The following TOX2 variants were observed in gnomAD, a reference collection of about 807,000 sequenced individuals.
TOX2 encodes TOX high mobility group box family member 2, also known as granulosa cell HMG box 1.
In TOX2, 15 loss-of-function variants were observed where a neutral mutation model predicts 47.4. That is an observed-to-expected ratio of 0.32 (90% CI 0.21 to 0.49). The LOEUF (loss-of-function observed/expected upper bound fraction) is 0.49, where lower values mean the gene tolerates loss of function less well. Ranked by LOEUF, TOX2 falls within the 20% of genes least tolerant of loss-of-function variation. The pLI is 0.99. For missense variants in TOX2, 622 were observed against 673.1 expected, an observed-to-expected ratio of 0.92 and a Z score of 0.84; for synonymous variants, 290 against 296.6, an observed-to-expected ratio of 0.98 and a Z score of 0.23.
intron 3 of TOX2, among the ~76,000 whole-genome samples, chr20:44,018,453 A>C (rs1413068096): frequency 6.6e-6 from 1 of 152,178 alleles, no homozygotes; most frequent in East Asian, 1.9e-4. Flanking sequence ...ACTGGGTGTA[A>C]TGGCTCTTTC....
intron 1 of TOX2, among the ~76,000 whole-genome samples, chr20:43,957,295 T>A (rs2069684260): frequency 6.6e-6 from 1 of 152,244 alleles, no homozygotes; most frequent in Non-Finnish European, 1.5e-5. Flanking sequence ...AACCCTCTTG[T>A]CCCCATTCTG....
At chr20:44,011,993 C>A (rs2070784134) in intron 3 of TOX2, among the ~76,000 whole-genome samples, 1 of 152,214 alleles carries the variant, frequency 6.6e-6, no homozygotes, top group Non-Finnish European at 1.5e-5. Flanking sequence ...AGCGTCTTAA[C>A]TGATTAAACA....
At chr20:43,927,863 T>C (rs73118230) in intron 1 of TOX2, among the ~76,000 whole-genome samples, 8,001 of 147,674 alleles carry the variant, frequency 0.054, 444 homozygotes, top group African/African-American at 0.14. Flanking sequence ...TTGTGGTAGG[T>C]GCCAGGCAGG....
intron 2 of TOX2, among the ~76,000 whole-genome samples, chr20:43,991,219 A>T (rs1463114005): frequency 1.3e-5 from 2 of 152,230 alleles, no homozygotes; most frequent in African/African-American, 4.8e-5. Flanking sequence ...ACAAGGAACC[A>T]GGAGACCCCG....
chr20:43,974,188 G>A (rs2070028853), intron 2 of TOX2, among the ~76,000 whole-genome samples: 1 of 151,976 alleles, frequency 6.6e-6, no homozygotes, highest in African/African-American at 2.4e-5. Flanking sequence ...ACCCCAGGGA[G>A]GGTTCTCACT....
intron 2 of TOX2, among the ~76,000 whole-genome samples, chr20:43,995,177 G>A (rs2070449685): frequency 1.3e-5 from 2 of 152,018 alleles, no homozygotes; most frequent in South Asian, 2.1e-4. Context: ...AGGCATAATT[G>A]TCCTGATTTT....
chr20:43,929,987 C>T (rs1162222246), intron 1 of TOX2, among the ~76,000 whole-genome samples: 2 of 152,196 alleles, frequency 1.3e-5, no homozygotes, highest in African/African-American at 2.4e-5. Context: ...GGATTACAGA[C>T]GTGAGCCAAT....
At chr20:44,024,978 C>T (rs1048159702) in intron 3 of TOX2, among the ~76,000 whole-genome samples, 2 of 152,084 alleles carry the variant, frequency 1.3e-5, no homozygotes, top group Non-Finnish European at 2.9e-5. Flanking sequence ...TGTATACTTC[C>T]ACGTGCATAA....
intron 8 of TOX2, among the ~76,000 whole-genome samples, chr20:44,067,333 A>T (rs926760000): frequency 1.3e-5 from 2 of 152,004 alleles, no homozygotes; most frequent in Non-Finnish European, 2.9e-5. Context: ...ATCCCATGGG[A>T]GCCCTGGAGC....
At chr20:44,005,938 T>G in intron 2 of TOX2, among the ~76,000 whole-genome samples, 1 of 149,816 alleles carries the variant, frequency 6.7e-6, no homozygotes. Flanking sequence ...TTTGGCGAGG[T>G]GGGAAAAAAA....
At chr20:43,991,352 A>G (rs1251229478) in intron 2 of TOX2, among the ~76,000 whole-genome samples, 1 of 152,256 alleles carries the variant, frequency 6.6e-6, no homozygotes, top group Admixed American at 6.5e-5. Context: ...GCCATAGCAG[A>G]CCATTAGGAT....
In TOX2 at chr20:43,933,734, G is replaced by A. The variant is rs186336659; in HGVS notation, c.99+18744G>A. On this transcript the variant is annotated intron_variant, in intron 1 of 8. Coordinates refer to ENST00000341197, the MANE Select transcript of TOX2 (RefSeq NM_001098797.2). ...GGCCATGGGCTGCCCAGGACAGGGA[G>A]AGGTATCATGCCTCCTGTGCCACCT... Among the ~76,000 whole-genome samples the A allele has an allele frequency of 4.1e-4, 62 of 152,298 alleles. 1 individual carries two copies. In the East Asian group the frequency reaches 0.01, roughly 25 times the overall value.
chr20:43,953,473 C>T (rs1405949536), intron 1 of TOX2, among the ~76,000 whole-genome samples: 1 of 152,162 alleles, frequency 6.6e-6, no homozygotes, highest in Non-Finnish European at 1.5e-5. Flanking sequence ...AACCCGCATG[C>T]TCCAACATGT....
rs142982009 is a variant in TOX2 at position 44,023,983 on chromosome 20, C to T, written c.411+17191C>T. Reference sequence around the variant, plus strand: ...CCCTTAGCCCGTCCCCTCTCTGATCCGGTGGTGGCTTTTTATAAGATAGCT... The same window carrying T: ...CCCTTAGCCCGTCCCCTCTCTGATCTGGTGGTGGCTTTTTATAAGATAGCT... On this transcript the variant is annotated intron_variant, in intron 3 of 8. Coordinates refer to ENST00000341197, the MANE Select transcript of TOX2 (RefSeq NM_001098797.2). Among the ~76,000 whole-genome samples, 535 of 152,274 alleles carry T rather than the reference C, an allele frequency of 3.5e-3. 7 individuals carry two copies. Among genetic ancestry groups the T allele is most frequent in the African/African-American group, 0.012 (510 of 41,542 alleles).
chr20:43,965,528 G>GT (rs1415406781), intron 1 of TOX2, among the ~76,000 whole-genome samples: 1 of 152,202 alleles, frequency 6.6e-6, no homozygotes, highest in Non-Finnish European at 1.5e-5. Flanking sequence ...AACAGTGATT[G>GT]TTGCCTCCAA....
intron 1 of TOX2, chr20:43,946,118 A>T: frequency 5.7e-6 from 9 of 1,574,870 alleles, no homozygotes; most frequent in Non-Finnish European, 7.8e-6. Context: ...TGATGTCTGG[A>T]TGGGGGCAGG....
At chr20:44,011,826 T>A (rs1455407764) in intron 3 of TOX2, among the ~76,000 whole-genome samples, 1 of 152,238 alleles carries the variant, frequency 6.6e-6, no homozygotes, top group Non-Finnish European at 1.5e-5. Context: ...CCACCAATTC[T>A]TTCCGGTCCC....
chr20:43,931,465 A>T (rs1439965476), intron 1 of TOX2, among the ~76,000 whole-genome samples: 1 of 152,128 alleles, frequency 6.6e-6, no homozygotes, highest in Non-Finnish European at 1.5e-5. Context: ...TTTCTGCTCA[A>T]GCGCCACCCC....
chr20:44,066,147 T>G, intron 7 of TOX2, 40 bp downstream of exon 7: 1 of 1,489,242 alleles, frequency 6.7e-7, no homozygotes. Flanking sequence ...TGTGACCGTG[T>G]GGGGAGGGGA....
Sources: allele counts gnomAD v4.1 joint callset (sites outside exome capture counted in the v4.1 genomes callset), GRCh38; gene constraint gnomAD v4.1.1; transcripts MANE v1.5; gene names NCBI Gene and HGNC (gene_info 2026-07-23, HGNC 2026-07-21).